ITPR2: variants seen among roughly 807,000 people sequenced by gnomAD.
ITPR2 encodes inositol 1,4,5-trisphosphate receptor type 2, also known as inositol 1,4,5-trisphosphate-gated calcium channel ITPR2.
In ITPR2, 207 loss-of-function variants were observed where a neutral mutation model predicts 317.1. That is an observed-to-expected ratio of 0.65 (90% CI 0.58 to 0.73). ITPR2 has a LOEUF of 0.73. Ranked by LOEUF, ITPR2 falls within the 30% of genes least tolerant of loss-of-function variation. The pLI is 0.00. For synonymous variants in ITPR2, 1,156 were observed against 1,149.1 expected (o/e 1.01, Z -0.12); for missense variants, 2,613 against 3,284.0 (o/e 0.80, Z 4.99).
At chr12:26,653,339 G>C (rs1947299431) in intron 21 of ITPR2, among the ~76,000 whole-genome samples, 1 of 147,840 alleles carries the variant, frequency 6.8e-6, no homozygotes, top group Admixed American at 6.9e-5. Flanking sequence ...CCGACTCCCT[G>C]GTTCAAGCAA....
Position 26,562,772 on chromosome 12 carries a change from G to C in ITPR2, c.4631-820C>G, listed in dbSNP as rs1404633094. On this transcript the variant is annotated intron_variant, in intron 34 of 56. Coordinates refer to ENST00000381340, the MANE Select transcript of ITPR2 (RefSeq NM_002223.4). ...CACACACCAGGGCCTGTTGAGGGGT[G>C]GGGGAAGGGGGGGAGGGATAGCATT... 3.3e-5 allele frequency among the ~76,000 whole-genome samples: 5 copies of C among 151,990 alleles called. No homozygotes were observed. In the East Asian group the frequency reaches 9.7e-4, roughly 29 times the overall value.
intron 15 of ITPR2, among the ~76,000 whole-genome samples, chr12:26,660,965 A>C (rs147524848): frequency 6.6e-6 from 1 of 151,310 alleles, no homozygotes; most frequent in Admixed American, 6.6e-5. Context: ...TATATACTAC[A>C]TAATAATAAT....
rs1228758540 is a variant in ITPR2, at chr12:26,597,120, A to AC, written c.4016dup (p.Glu1340Ter). On this transcript the variant is annotated frameshift_variant, in exon 31 of 57. Coordinates refer to ENST00000381340, the MANE Select transcript of ITPR2 (RefSeq NM_002223.4). LOFTEE classifies it high-confidence loss of function. ...CATTGTAAAATATCAGCACGTCTTC[A>AC]CCCCCATTTATCAACTGAAATGATA... 1 of 1,613,668 alleles carries AC rather than the reference A, an allele frequency of 6.2e-7. No homozygotes were observed. Among genetic ancestry groups the AC allele is most frequent in the Non-Finnish European group, 8.5e-7 (1 of 1,179,978 alleles).
At chr12:26,641,525 G>A (rs891436784) in intron 21 of ITPR2, among the ~76,000 whole-genome samples, 3 of 152,018 alleles carry the variant, frequency 2.0e-5, no homozygotes, top group Non-Finnish European at 4.4e-5. Context: ...CATACAAGCT[G>A]TATGATCTTA....
At chr12:26,829,913 G>A (rs1951072328) in intron 1 of ITPR2, among the ~76,000 whole-genome samples, 1 of 151,756 alleles carries the variant, frequency 6.6e-6, no homozygotes, top group East Asian at 1.9e-4. Flanking sequence ...TGTTTTGTTT[G>A]TTTTTTTTGA....
At chr12:26,719,518 T>C (rs1948796862) in intron 5 of ITPR2, among the ~76,000 whole-genome samples, 1 of 152,252 alleles carries the variant, frequency 6.6e-6, no homozygotes, top group Non-Finnish European at 1.5e-5. Context: ...TACCCTTCTT[T>C]TGAAGTGGCA....
chr12:26,552,998 C>G (rs146550122), intron 36 of ITPR2, among the ~76,000 whole-genome samples: 190 of 152,218 alleles, frequency 1.2e-3, no homozygotes, highest in Non-Finnish European at 2.1e-3. Context: ...TTTCTATGAT[C>G]AAAGTAAGAA....
At chr12:26,630,007 T>G (rs1946712040) in intron 22 of ITPR2, among the ~76,000 whole-genome samples, 1 of 152,162 alleles carries the variant, frequency 6.6e-6, no homozygotes, top group African/African-American at 2.4e-5. Context: ...ACATATTGAT[T>G]GAACTGATTC....
chr12:26,556,325 T>A lies in ITPR2; in HGVS notation c.4872A>T (p.Glu1624Asp). The A allele has an allele frequency of 6.2e-7, 1 of 1,614,084 alleles. No homozygotes were observed. Among genetic ancestry groups the A allele is most frequent in the Non-Finnish European group, 8.5e-7 (1 of 1,179,980 alleles). ...ACAATACATCAACCAACACTGAGAA[T>A]TCAGCCTGCATCATTGGGCTGAACT... ...EHQFSPMMQA[E>D]FSVLVDVLYS... Residue 1624 changes from glutamate (E) to aspartate (D), a missense_variant, in exon 36 of 57, where the codon GAA becomes GAT. Transcript: ENST00000381340.
chr12:26,528,564 G>A (rs1943866280), intron 37 of ITPR2, among the ~76,000 whole-genome samples: 1 of 152,172 alleles, frequency 6.6e-6, no homozygotes, highest in African/African-American at 2.4e-5. Context: ...CATTGTACAA[G>A]AATGAAATGT....
intron 2 of ITPR2, among the ~76,000 whole-genome samples, chr12:26,762,082 A>G (rs1193211428): frequency 6.6e-6 from 1 of 152,214 alleles, no homozygotes; most frequent in East Asian, 1.9e-4. Context: ...GACTGAAAAA[A>G]GCCTACATGA....
At chr12:26,343,705 A>G (rs1196632780) in intron 55 of ITPR2, among the ~76,000 whole-genome samples, 1 of 152,208 alleles carries the variant, frequency 6.6e-6, no homozygotes, top group Non-Finnish European at 1.5e-5. Context: ...GTATGAATGA[A>G]CAAAAGTGAC....
chr12:26,677,608 AT>A (rs2136953259), intron 13 of ITPR2, among the ~76,000 whole-genome samples: 1 of 152,268 alleles, frequency 6.6e-6, no homozygotes, highest in Non-Finnish European at 1.5e-5. Flanking sequence ...TCAAAAAAAA[AT>A]AAATAAAATA....
chr12:26,504,957 G>C (rs915035757), intron 37 of ITPR2, among the ~76,000 whole-genome samples: 1 of 151,952 alleles, frequency 6.6e-6, no homozygotes, highest in African/African-American at 2.4e-5. Context: ...AATGATGACA[G>C]GGAAAAAAAG....
chr12:26,597,108 C>T lies in ITPR2; in HGVS notation c.4029G>A (p.Leu1343=). Reference sequence around the variant, plus strand: ...ATGATGCTCTATCATTGTAAAATATCAGCACGTCTTCACCCCCATTTATCA... The same window carrying T: ...ATGATGCTCTATCATTGTAAAATATTAGCACGTCTTCACCCCCATTTATCA... ...TELINGGEDV[L]IFYNDRASFP... The change falls in exon 31 of 57, where the codon CTG becomes CTA. Residue 1343 remains leucine (L), a synonymous_variant. Transcript: ENST00000381340. 2 of 1,613,886 alleles carry T rather than the reference C, an allele frequency of 1.2e-6. No individual in the cohort carries two copies. The highest frequency in any genetic ancestry group is 1.7e-6 in the Non-Finnish European group (2 of 1,179,938).
intron 26 of ITPR2, among the ~76,000 whole-genome samples, chr12:26,603,539 T>A (rs933510029): frequency 2.0e-5 from 3 of 152,166 alleles, no homozygotes. Flanking sequence ...AAAGAAGATA[T>A]GGTCCTTCTC....
At chr12:26,526,479 T>C (rs1374278906) in intron 37 of ITPR2, among the ~76,000 whole-genome samples, 1 of 151,020 alleles carries the variant, frequency 6.6e-6, no homozygotes, top group African/African-American at 2.4e-5. Context: ...GGGAAAGAGG[T>C]TGAAAAGATG....
chr12:26,499,681 C>T (rs762651302), intron 37 of ITPR2, among the ~76,000 whole-genome samples: 5 of 152,170 alleles, frequency 3.3e-5, no homozygotes, highest in Non-Finnish European at 7.4e-5. Flanking sequence ...TTGCAAAGTG[C>T]TTTTGCAGAC....
chr12:26,812,388 C>A (rs1950769232), intron 1 of ITPR2, among the ~76,000 whole-genome samples: 2 of 151,902 alleles, frequency 1.3e-5, no homozygotes, highest in African/African-American at 2.4e-5. Context: ...ACCATCCTGG[C>A]TAACACAGTG....
Sources: allele counts gnomAD v4.1 joint callset (sites outside exome capture counted in the v4.1 genomes callset), GRCh38; gene constraint gnomAD v4.1.1; transcripts MANE v1.5; gene names NCBI Gene and HGNC (gene_info 2026-07-23, HGNC 2026-07-21).